Variants in TENM3 observed in about 807,000 individuals in gnomAD.
TENM3 encodes the protein teneurin transmembrane protein 3, also known as teneurin-3.
In TENM3, 63 loss-of-function variants were observed where a neutral mutation model predicts 255.1. That is an observed-to-expected ratio of 0.25 (90% confidence interval 0.20 to 0.30). TENM3 has a LOEUF of 0.30. Ranked by LOEUF, TENM3 falls within the 10% of genes least tolerant of loss-of-function variation. The probability of loss-of-function intolerance (pLI) is 1.00; values close to 1 mark genes in which losing one functional copy is unlikely to be tolerated. For missense variants in TENM3, 2,929 were observed against 3,461.1 expected (o/e 0.85, Z 3.86); for synonymous variants, 1,306 against 1,322.3 (o/e 0.99, Z 0.27).
chr4:181,726,730 C>G, the TENM3 span, among the ~76,000 whole-genome samples: 2 of 152,176 alleles, frequency 1.3e-5, no homozygotes, highest in Non-Finnish European at 2.9e-5. Context: ...CTGCCACCAT[C>G]TACCTTGCGA....
chr4:181,642,640 T>TTTTTGAGTTAATCCA, the TENM3 span, among the ~76,000 whole-genome samples: 6 of 152,182 alleles, frequency 3.9e-5, no homozygotes, highest in Non-Finnish European at 5.9e-5. Flanking sequence ...TTTGAGTTAA[T>TTTTTGAGTTAATCCA]TTTTGAGTTA....
the TENM3 span, among the ~76,000 whole-genome samples, chr4:181,616,496 C>A: frequency 6.7e-6 from 1 of 148,884 alleles, no homozygotes; most frequent in Admixed American, 6.8e-5. Context: ...TATCCATTAT[C>A]CATATAATAT....
At chr4:182,297,424 C>T (rs1200810426) in intron 1 of TENM3, among the ~76,000 whole-genome samples, 1 of 152,174 alleles carries the variant, frequency 6.6e-6, no homozygotes, top group African/African-American at 2.4e-5. Context: ...TAGGAAGGTG[C>T]TGCTTTTTGA....
intron 3 of TENM3, among the ~76,000 whole-genome samples, chr4:182,595,314 G>T (rs549187602): frequency 1.3e-5 from 2 of 152,062 alleles, no homozygotes; most frequent in East Asian, 3.9e-4. Context: ...CCGGTAAGCT[G>T]CTTACACTGT....
intron 3 of TENM3, among the ~76,000 whole-genome samples, chr4:182,539,129 G>A (rs953262643): frequency 5.3e-5 from 8 of 151,154 alleles, no homozygotes; most frequent in Non-Finnish European, 7.4e-5. Context: ...CTGTATTTCA[G>A]TGGCTTAGTA....
At chr4:181,487,527 G>C in the TENM3 span, among the ~76,000 whole-genome samples, 2 of 152,160 alleles carry the variant, frequency 1.3e-5, no homozygotes, top group Non-Finnish European at 2.9e-5. Context: ...GAAGGGGCAA[G>C]AGGTCTCTAG....
At chr4:181,546,380 T>G in the TENM3 span, among the ~76,000 whole-genome samples, 2 of 152,276 alleles carry the variant, frequency 1.3e-5, no homozygotes, top group East Asian at 3.9e-4. Context: ...TAAACACATT[T>G]ATTATCACGT....
At chr4:181,954,966 G>A in the TENM3 span, among the ~76,000 whole-genome samples, 4 of 152,138 alleles carry the variant, frequency 2.6e-5, no homozygotes, top group South Asian at 4.1e-4. Context: ...TACCAAAAGA[G>A]CATCCTTCTC....
At chr4:182,712,064 C>A (rs770202246) in intron 12 of TENM3, among the ~76,000 whole-genome samples, 2 of 152,008 alleles carry the variant, frequency 1.3e-5, no homozygotes, top group Admixed American at 6.5e-5. Flanking sequence ...ATGGAAGCTT[C>A]TTTGGTTTTT....
chr4:182,059,764 A>G, the TENM3 span, among the ~76,000 whole-genome samples: 73 of 100,910 alleles, frequency 7.2e-4, no homozygotes, highest in African/African-American at 2.6e-3. Context: ...AAAAAAAAAG[A>G]AAAAAAAAAA....
the TENM3 span, among the ~76,000 whole-genome samples, chr4:181,469,874 C>G: frequency 6.6e-6 from 1 of 151,654 alleles, no homozygotes; most frequent in Non-Finnish European, 1.5e-5. Context: ...TAATTATAAC[C>G]CCAGAGTCAT....
At chr4:182,273,543 A>G (rs552737106) in intron 1 of TENM3, among the ~76,000 whole-genome samples, 1 of 152,318 alleles carries the variant, frequency 6.6e-6, no homozygotes, top group East Asian at 1.9e-4. Context: ...TTTTGGCCGA[A>G]TATCCTTATT....
the TENM3 span, among the ~76,000 whole-genome samples, chr4:182,095,633 A>G: frequency 6.6e-6 from 1 of 152,142 alleles, no homozygotes; most frequent in Non-Finnish European, 1.5e-5. Flanking sequence ...TTCAGTTAGA[A>G]GGAATAATAC....
chr4:182,131,998 T>A, the TENM3 span, among the ~76,000 whole-genome samples: 3 of 150,264 alleles, frequency 2.0e-5, no homozygotes, highest in African/African-American at 7.4e-5. Context: ...CAAATGTTTA[T>A]CATCCCTGAA....
chr4:182,319,852 C>T (rs1198595939), intron 1 of TENM3, among the ~76,000 whole-genome samples: 1 of 152,224 alleles, frequency 6.6e-6, no homozygotes, highest in Non-Finnish European at 1.5e-5. Context: ...CAGCTCACGC[C>T]TGTAAATCCC....
At chr4:182,370,194 T>C (rs186975266) in intron 3 of TENM3, among the ~76,000 whole-genome samples, 2 of 152,336 alleles carry the variant, frequency 1.3e-5, no homozygotes, top group African/African-American at 4.8e-5. Context: ...ATGCAAAGCA[T>C]AAAAATCCAG....
chr4:182,328,678 G>T (rs1763570073), intron 2 of TENM3, among the ~76,000 whole-genome samples: 2 of 152,130 alleles, frequency 1.3e-5, no homozygotes, highest in Admixed American at 1.3e-4. Flanking sequence ...TCTGGTCTTT[G>T]CTGACAGCGT....
intron 3 of TENM3, among the ~76,000 whole-genome samples, chr4:182,534,752 T>C (rs1740123918): frequency 6.6e-6 from 1 of 152,204 alleles, no homozygotes; most frequent in Non-Finnish European, 1.5e-5. Context: ...TGCAGAGATA[T>C]TGAACAACTT....
chr4:181,828,859 G>A, the TENM3 span, among the ~76,000 whole-genome samples: 3 of 152,232 alleles, frequency 2.0e-5, no homozygotes, highest in East Asian at 5.8e-4. Context: ...CAAAGTGCTG[G>A]GATTACAGGA....
Sources: allele counts gnomAD v4.1 joint callset (sites outside exome capture counted in the v4.1 genomes callset), GRCh38; gene constraint gnomAD v4.1.1; transcripts MANE v1.5; gene names NCBI Gene and HGNC (gene_info 2026-07-23, HGNC 2026-07-21).